Variants in GABRB3 observed in about 807,000 individuals in gnomAD.
GABRB3 encodes the protein gamma-aminobutyric acid type A receptor subunit beta3.
Under a neutral mutation model 52.1 loss-of-function variants are expected in GABRB3, and 14 were observed. The observed-to-expected ratio is 0.27, with a 90% CI of 0.18 to 0.42. The LOEUF is 0.42. Ranked by LOEUF, GABRB3 falls within the 10% of genes least tolerant of loss-of-function variation. The pLI is 1.00. For missense variants in GABRB3, 307 were observed against 609.1 expected, an observed-to-expected ratio of 0.50 and a Z score of 5.22; for synonymous variants, 260 against 232.3, an observed-to-expected ratio of 1.12 and a Z score of -1.08.
chr15:26,643,130 T>C (rs770539060), intron 3 of GABRB3, among the ~76,000 whole-genome samples: 1 of 152,156 alleles, frequency 6.6e-6, no homozygotes. Context: ...AGGTTATCCT[T>C]AATGGCCAGC....
intron 6 of GABRB3, among the ~76,000 whole-genome samples, chr15:26,575,907 G>A (rs1166118374): frequency 6.6e-6 from 1 of 152,192 alleles, no homozygotes; most frequent in East Asian, 1.9e-4. Context: ...CAAAATTAAA[G>A]AAGCATATTA....
intron 3 of GABRB3, chr15:26,624,639 A>C (rs1480587684): frequency 1.1e-5 from 11 of 985,466 alleles, no homozygotes; most frequent in South Asian, 9.4e-5. Context: ...GAGCTTAGGT[A>C]ACAGCAAGAG....
intron 3 of GABRB3, among the ~76,000 whole-genome samples, chr15:26,661,663 T>C (rs190994173): frequency 1.5e-3 from 234 of 152,044 alleles, no homozygotes; most frequent in Non-Finnish European, 2.5e-3. Flanking sequence ...GGGAAATGCA[T>C]ATGGGATGCA....
chr15:26,623,764 C>G (rs956785790), intron 3 of GABRB3, among the ~76,000 whole-genome samples: 2 of 152,064 alleles, frequency 1.3e-5, no homozygotes, highest in Non-Finnish European at 2.9e-5. Context: ...TTTAAACCAG[C>G]CAATTCTGAG....
chr15:26,673,397 T>C (rs974017553), intron 3 of GABRB3, among the ~76,000 whole-genome samples: 4 of 152,236 alleles, frequency 2.6e-5, no homozygotes, highest in Non-Finnish European at 5.9e-5. Context: ...CTCTGGAAAG[T>C]GAGTTCTTGT....
chr15:26,561,806 A>T (rs911335931), intron 7 of GABRB3, among the ~76,000 whole-genome samples: 2 of 152,256 alleles, frequency 1.3e-5, no homozygotes, highest in African/African-American at 4.8e-5. Flanking sequence ...AGGGAAGATG[A>T]TCTCAGAGAG....
chr15:26,738,715 G>T (rs747503532), intron 3 of GABRB3, among the ~76,000 whole-genome samples: 1 of 152,038 alleles, frequency 6.6e-6, no homozygotes, highest in Non-Finnish European at 1.5e-5. Flanking sequence ...CCCAGACAAC[G>T]TGTAACTTTG....
Position 26,547,682 on chromosome 15 carries a change from A to ATG in GABRB3, c.*109_*110dup. Reference sequence around the variant, plus strand: ...TATATATACAATTGCGTATGTATATATGTGTGTGTCTGCTTGTGTGTCTGT... The same window carrying ATG: ...TATATATACAATTGCGTATGTATATATGTGTGTGTGTCTGCTTGTGTGTCTGT... On this transcript the variant is annotated 3_prime_UTR_variant, in exon 9 of 9. Transcript: ENST00000311550. The ATG allele has an allele frequency of 1.3e-6, 1 of 786,516 alleles. No homozygotes were observed. The highest frequency in any genetic ancestry group is 2.2e-6 in the Non-Finnish European group (1 of 455,168). 48.7% of individuals were successfully genotyped at this position (786,516 alleles called of 1,614,324 possible).
At chr15:26,762,849 C>A (rs959417794) in intron 3 of GABRB3, among the ~76,000 whole-genome samples, 3 of 152,178 alleles carry the variant, frequency 2.0e-5, no homozygotes, top group Admixed American at 6.5e-5. Context: ...TTGTTTTAGT[C>A]CATGCCACAA....
At chr15:26,625,597 G>A (rs1698869705) in intron 3 of GABRB3, 1 of 168,668 alleles carries the variant, frequency 5.9e-6, no homozygotes, top group Non-Finnish European at 9.6e-6. Context: ...ATAGCAGAGG[G>A]GACACTGGAT....
Position 26,547,226 on chromosome 15 carries a change from C to G in GABRB3, c.*567G>C, listed in dbSNP as rs775602462. 3.5e-6 allele frequency: 1 copy of G among 285,380 alleles called. No individual in the cohort carries two copies. Among genetic ancestry groups the G allele is most frequent in the Non-Finnish European group, 6.4e-6 (1 of 155,380 alleles). The allele number at this position is 285,380 out of a possible 1,614,324, so 17.7% of individuals were successfully genotyped here. A position where few individuals can be genotyped will look rare whatever the true frequency, so the allele number is the denominator to read the frequency against. ...ACGTATGCCCGATGAAAACAAACCC[C>G]ATCACCAGAGAAGCCAAGAAGCCTT... On this transcript the variant is annotated 3_prime_UTR_variant, in exon 9 of 9. Coordinates refer to ENST00000311550, the MANE Select transcript of GABRB3 (RefSeq NM_000814.6).
chr15:26,658,027 A>G (rs1010454646), intron 3 of GABRB3, among the ~76,000 whole-genome samples: 9 of 152,184 alleles, frequency 5.9e-5, no homozygotes. Flanking sequence ...AACTTGGCCA[A>G]TTGCTCCTAC....
intron 4 of GABRB3, among the ~76,000 whole-genome samples, chr15:26,592,919 G>C (rs1387577796): frequency 1.3e-5 from 2 of 152,154 alleles, no homozygotes; most frequent in Non-Finnish European, 2.9e-5. Context: ...GGAGGCTGAG[G>C]CAGGAGAATT....
At chr15:26,715,502 A>G (rs1285553828) in intron 3 of GABRB3, among the ~76,000 whole-genome samples, 3 of 152,132 alleles carry the variant, frequency 2.0e-5, no homozygotes, top group Non-Finnish European at 4.4e-5. Flanking sequence ...ATGCCAAATT[A>G]TGACAATAAG....
chr15:26,756,301 G>A (rs1002097163), intron 3 of GABRB3, among the ~76,000 whole-genome samples: 39 of 151,938 alleles, frequency 2.6e-4, no homozygotes, highest in Admixed American at 1.3e-4. Flanking sequence ...TGGGCATGGT[G>A]GCTCACACCT....
At chr15:26,612,242 T>C (rs1317685297) in intron 4 of GABRB3, 2 of 151,956 alleles carry the variant, frequency 1.3e-5, no homozygotes, top group Non-Finnish European at 1.5e-5. Context: ...TTCTGGAAGG[T>C]GGAAATACAA....
At position 26,547,506 on chromosome 15, in the gene GABRB3, T is replaced by C. The variant is rs1413122433; in HGVS notation, c.*287A>G. ...AAACTATGACTTTCTTTAATATGCA[T>C]CCTGTGGTAAATTGTCCATAGCTGC... On this transcript the variant is annotated 3_prime_UTR_variant, in exon 9 of 9. Coordinates refer to ENST00000311550, the MANE Select transcript of GABRB3 (RefSeq NM_000814.6). 3.9e-6 allele frequency: 2 copies of C among 513,076 alleles called. No individual in the cohort carries two copies. Among genetic ancestry groups the C allele is most frequent in the Non-Finnish European group, 6.8e-6 (2 of 293,826 alleles). 31.8% of individuals were successfully genotyped at this position (513,076 alleles called of 1,614,324 possible).
At chr15:26,749,566 A>G (rs926454702) in intron 3 of GABRB3, among the ~76,000 whole-genome samples, 1 of 152,098 alleles carries the variant, frequency 6.6e-6, no homozygotes, top group African/African-American at 2.4e-5. Context: ...GTTCTTCTGT[A>G]TGTTGGGAGC....
intron 4 of GABRB3, among the ~76,000 whole-genome samples, chr15:26,591,573 G>T (rs973004388): frequency 4.6e-5 from 7 of 152,198 alleles, no homozygotes; most frequent in African/African-American, 1.7e-4. Context: ...CAGAACGAAA[G>T]GGGTATGCCA....
Sources: gnomAD v4.1 joint callset for allele counts (sites outside exome capture counted in the v4.1 genomes callset) on GRCh38, gnomAD v4.1.1 for gene constraint, MANE v1.5 for transcripts, NCBI Gene and HGNC (gene_info 2026-07-23, HGNC 2026-07-21) for gene names.